The following CDKAL1 variants were observed in gnomAD, a reference collection of about 807,000 sequenced individuals.
The protein encoded by CDKAL1 is threonylcarbamoyladenosine tRNA methylthiotransferase.
A neutral mutation model predicts 68.2 loss-of-function variants in CDKAL1; 32 were observed. The observed-to-expected ratio is 0.47, with a 90% CI of 0.35 to 0.63. The LOEUF is 0.63. Among genes scored for constraint, CDKAL1 ranks in the 30% least tolerant of loss-of-function variants. The pLI is 0.00. For synonymous variants in CDKAL1, 234 were observed against 244.3 expected, an observed-to-expected ratio of 0.96 and a Z score of 0.39; for missense variants, 606 against 696.7, an observed-to-expected ratio of 0.87 and a Z score of 1.47.
intron 13 of CDKAL1, among the ~76,000 whole-genome samples, chr6:21,141,045 TG>T (rs1402375886): frequency 6.6e-6 from 1 of 152,152 alleles, no homozygotes; most frequent in East Asian, 1.9e-4. Flanking sequence ...CACCTCCCCC[TG>T]GGTCCCTCCC....
chr6:20,885,869 G>A (rs1285320517), intron 9 of CDKAL1, among the ~76,000 whole-genome samples: 1 of 152,054 alleles, frequency 6.6e-6, no homozygotes, highest in Non-Finnish European at 1.5e-5. Context: ...GATCACTTGA[G>A]GTCAGAAGTT....
intron 8 of CDKAL1, among the ~76,000 whole-genome samples, chr6:20,809,194 A>T (rs1650291668): frequency 6.6e-6 from 1 of 152,152 alleles, no homozygotes; most frequent in South Asian, 2.1e-4. Flanking sequence ...GTATTTCCTA[A>T]TTAAGACTTT....
chr6:21,093,474 C>T (rs1041787044), intron 12 of CDKAL1, among the ~76,000 whole-genome samples: 2 of 152,032 alleles, frequency 1.3e-5, no homozygotes, highest in African/African-American at 4.8e-5. Context: ...GCGAAATCTC[C>T]AGGATGATGG....
intron 11 of CDKAL1, among the ~76,000 whole-genome samples, chr6:21,037,290 G>A (rs1010003033): frequency 7.9e-5 from 12 of 152,148 alleles, no homozygotes; most frequent in African/African-American, 2.9e-4. Flanking sequence ...GATAAGATGT[G>A]CTTGGAGCAG....
chr6:20,939,790 C>A (rs920591330), intron 9 of CDKAL1, among the ~76,000 whole-genome samples: 1 of 151,966 alleles, frequency 6.6e-6, no homozygotes, highest in Non-Finnish European at 1.5e-5. Context: ...TTCATTTTTT[C>A]CTAAACAAGA....
At chr6:20,770,034 C>A (rs1369886577) in intron 7 of CDKAL1, among the ~76,000 whole-genome samples, 1 of 151,992 alleles carries the variant, frequency 6.6e-6, no homozygotes, top group Non-Finnish European at 1.5e-5. Context: ...TAGATCTTCT[C>A]TTATATATTT....
intron 7 of CDKAL1, among the ~76,000 whole-genome samples, chr6:20,759,044 C>T (rs9350280): frequency 0.45 from 67,716 of 151,828 alleles, 15,319 homozygotes; most frequent in South Asian, 0.5. Context: ...GAAGTTGAAG[C>T]TGGAGGATCA....
intron 11 of CDKAL1, among the ~76,000 whole-genome samples, chr6:21,010,255 G>C (rs1767940673): frequency 6.6e-6 from 1 of 152,200 alleles, no homozygotes; most frequent in African/African-American, 2.4e-5. Flanking sequence ...AAACTGCAGA[G>C]TTTCTTAATG....
At chr6:20,614,226 G>A (rs1766781322) in intron 4 of CDKAL1, among the ~76,000 whole-genome samples, 1 of 151,970 alleles carries the variant, frequency 6.6e-6, no homozygotes. Flanking sequence ...GTTTATGGTT[G>A]CTCTTGCCAT....
chr6:21,211,395 T>C (rs1049092838), intron 15 of CDKAL1, among the ~76,000 whole-genome samples: 1 of 152,174 alleles, frequency 6.6e-6, no homozygotes, highest in Non-Finnish European at 1.5e-5. Context: ...CGGTAACAAA[T>C]TAACCCTGAA....
intron 5 of CDKAL1, among the ~76,000 whole-genome samples, chr6:20,658,751 T>A (rs1258499934): frequency 2.6e-5 from 4 of 152,194 alleles, no homozygotes; most frequent in Non-Finnish European, 4.4e-5. Context: ...AAAAAAACCC[T>A]TTCCAGTTCT....
At chr6:20,672,192 CTCTT>C (rs1252742213) in intron 5 of CDKAL1, among the ~76,000 whole-genome samples, 7 of 151,104 alleles carry the variant, frequency 4.6e-5, no homozygotes, top group African/African-American at 7.3e-5. Context: ...TTCTCTCTCT[CTCTT>C]TCTTTCCTTC....
chr6:21,140,062 A>G (rs1364366910), intron 13 of CDKAL1, among the ~76,000 whole-genome samples: 1 of 152,218 alleles, frequency 6.6e-6, no homozygotes, highest in Non-Finnish European at 1.5e-5. Flanking sequence ...GGATTTGGGT[A>G]GATACAGAAG....
At chr6:21,183,397 C>G (rs1777874108) in intron 13 of CDKAL1, among the ~76,000 whole-genome samples, 1 of 152,162 alleles carries the variant, frequency 6.6e-6, no homozygotes, top group Non-Finnish European at 1.5e-5. Context: ...ATCCTAATTC[C>G]TCCGGCACCT....
At position 20,565,035 on chromosome 6, in the gene CDKAL1, G is replaced by A. The variant is rs555203845; in HGVS notation, c.286+16330G>A. Among the ~76,000 whole-genome samples, 384 of 152,020 alleles carry A rather than the reference G, an allele frequency of 2.5e-3. 1 individual carries two copies. The highest frequency in any genetic ancestry group is 8.8e-3 in the African/African-American group (367 of 41,476). ...GAATACACTTCCCATACAGTTAGAC[G>A]GAAACCTCCTGATTGTTCATTTATA... On this transcript the variant is annotated intron_variant, in intron 4 of 15. Transcript: ENST00000274695.
At chr6:20,910,179 T>A (rs562997415) in intron 9 of CDKAL1, among the ~76,000 whole-genome samples, 31 of 152,382 alleles carry the variant, frequency 2.0e-4, no homozygotes, top group Middle Eastern at 3.4e-3. Context: ...AGCTACTGGT[T>A]AAACATAGCT....
intron 4 of CDKAL1, among the ~76,000 whole-genome samples, chr6:20,597,787 A>AT (rs1374592489): frequency 6.6e-6 from 1 of 152,128 alleles, no homozygotes; most frequent in Admixed American, 6.5e-5. Context: ...CCGGATACCC[A>AT]TTTTCCTTTT....
In CDKAL1 at chr6:21,156,769, G is replaced by T. The variant is rs143797978; in HGVS notation, c.1300-41252G>T. On this transcript the variant is annotated intron_variant, in intron 13 of 15. Transcript: ENST00000274695. ...GTGTGGTGGGATTACTAGAATTCAA[G>T]CAGCTGGAGAGGTGCAGAGAGATCC... Among the ~76,000 whole-genome samples, 806 of 152,214 alleles carry T rather than the reference G, an allele frequency of 5.3e-3. 7 individuals are homozygous for T. Among genetic ancestry groups the T allele is most frequent in the Middle Eastern group, 0.024 (7 of 294 alleles).
At chr6:20,764,306 C>G (rs907494953) in intron 7 of CDKAL1, among the ~76,000 whole-genome samples, 3 of 152,076 alleles carry the variant, frequency 2.0e-5, no homozygotes, top group Non-Finnish European at 4.4e-5. Flanking sequence ...TGTTGAGATC[C>G]CTATTGTAAT....
Sources: allele counts gnomAD v4.1 joint callset (sites outside exome capture counted in the v4.1 genomes callset), GRCh38; gene constraint gnomAD v4.1.1; transcripts MANE v1.5; gene names NCBI Gene and HGNC (gene_info 2026-07-23, HGNC 2026-07-21).